The following ACYP2 variants were observed in gnomAD, a reference collection of about 807,000 sequenced individuals.
ACYP2 encodes acylphosphatase 2.
In ACYP2, 12 loss-of-function variants were observed where a neutral mutation model predicts 11.2. The ratio of observed to expected loss-of-function variants is 1.08; its 90% confidence interval spans 0.69 to 1.74. The LOEUF (loss-of-function observed/expected upper bound fraction) is 1.74, where lower values mean the gene tolerates loss of function less well. ACYP2 is among the 40% of genes most tolerant of loss of function. ACYP2 has a pLI of 0.00. For missense variants in ACYP2, 134 were observed against 101.9 expected (o/e 1.31, Z -1.35); for synonymous variants, 43 against 32.2 (o/e 1.33, Z -1.13).
At chr2:54,107,969 T>G (rs1310604705) in intron 4 of ACYP2, among the ~76,000 whole-genome samples, 1 of 152,186 alleles carries the variant, frequency 6.6e-6, no homozygotes, top group Admixed American at 6.5e-5. Flanking sequence ...GAAGCTGCCA[T>G]GCTCTGGAAA....
chr2:54,017,007 G>C (rs1355301025), intron 2 of ACYP2, among the ~76,000 whole-genome samples: 1 of 149,406 alleles, frequency 6.7e-6, no homozygotes, highest in Admixed American at 6.6e-5. Context: ...TTACAGGCGT[G>C]AGCCTCCGCG....
chr2:54,204,686 G>A (rs1349416194), intron 6 of ACYP2, among the ~76,000 whole-genome samples: 1 of 152,138 alleles, frequency 6.6e-6, no homozygotes, highest in African/African-American at 2.4e-5. Context: ...CTGGCATTCG[G>A]TGAGCTCCTT....
intron 6 of ACYP2, among the ~76,000 whole-genome samples, chr2:54,271,952 G>T (rs181398121): frequency 2.6e-5 from 4 of 152,162 alleles, no homozygotes; most frequent in East Asian, 3.9e-4. Flanking sequence ...GTATCATTCT[G>T]TTGTCACGAA....
At chr2:54,250,729 A>AT (rs1687185463) in intron 6 of ACYP2, among the ~76,000 whole-genome samples, 1 of 152,220 alleles carries the variant, frequency 6.6e-6, no homozygotes, top group African/African-American at 2.4e-5. Flanking sequence ...CAAATGGTAA[A>AT]TTATTATCAC....
intron 6 of ACYP2, among the ~76,000 whole-genome samples, chr2:54,165,184 A>G (rs568821717): frequency 6.6e-6 from 1 of 152,272 alleles, no homozygotes; most frequent in South Asian, 2.1e-4. Context: ...CTAACTAACC[A>G]TCTTGGAGAC....
intron 2 of ACYP2, among the ~76,000 whole-genome samples, chr2:54,038,123 A>G (rs1675009108): frequency 6.6e-6 from 1 of 152,228 alleles, no homozygotes; most frequent in Non-Finnish European, 1.5e-5. Flanking sequence ...ACAACTCTGG[A>G]TCAACACTTC....
chr2:54,126,618 C>T (rs1553376306), intron 4 of ACYP2, among the ~76,000 whole-genome samples: 1 of 102,832 alleles, frequency 9.7e-6, no homozygotes, highest in South Asian at 3.2e-4. Context: ...AAAAAAAAAG[C>T]ATAAAACAAA....
chr2:54,095,451 G>A (rs1439441996), intron 4 of ACYP2, among the ~76,000 whole-genome samples: 1 of 151,936 alleles, frequency 6.6e-6, no homozygotes, highest in East Asian at 1.9e-4. Flanking sequence ...TCACTTCCCA[G>A]TAGGGGCGGC....
chr2:54,138,754 T>C lies in ACYP2; in HGVS notation c.404+6T>C, dbSNP rs1470124639. ...GAAGACAAAGTCAATTCCATGTGAG[T>C]AGTAAAATTAATAACATGTACATGA... is the stretch of plus-strand genomic sequence containing the variant. On this transcript the variant is annotated splice_donor_region_variant and intron_variant, in intron 6 of 6. Coordinates refer to ENST00000607452, the MANE Select transcript of ACYP2 (RefSeq NM_001320586.2). 6.2e-7 allele frequency: 1 copy of C among 1,605,046 alleles called. No homozygotes were observed.
chr2:53,987,028 A>G (rs1377734564), intron 2 of ACYP2, among the ~76,000 whole-genome samples: 4 of 152,226 alleles, frequency 2.6e-5, no homozygotes, highest in Admixed American at 2.6e-4. Context: ...ATGCACAAAT[A>G]CATGCAACAA....
chr2:54,267,350 C>A, intron 6 of ACYP2: 1 of 1,548,038 alleles, frequency 6.5e-7, no homozygotes, highest in Non-Finnish European at 8.7e-7. Flanking sequence ...AGGGCAACAG[C>A]TAGAGGAGAA....
chr2:53,978,715 A>G (rs1478824800), intron 2 of ACYP2, among the ~76,000 whole-genome samples: 1 of 152,238 alleles, frequency 6.6e-6, no homozygotes, highest in Admixed American at 6.5e-5. Flanking sequence ...ACAAAACTCA[A>G]ATATTCAAAA....
intron 4 of ACYP2, 149 bp downstream of exon 1, chr2:54,115,905 G>GGT (rs1447852707): frequency 2.9e-6 from 3 of 1,049,240 alleles, no homozygotes; most frequent in African/African-American, 4.7e-5. Flanking sequence ...GGCGGGGAGG[G>GGT]AGGCGAAACG....
At chr2:54,037,445 C>T (rs1189044027) in intron 2 of ACYP2, among the ~76,000 whole-genome samples, 1 of 152,114 alleles carries the variant, frequency 6.6e-6, no homozygotes, top group South Asian at 2.1e-4. Context: ...GAGTCTTGCT[C>T]TGTCACCCAG....
intron 6 of ACYP2, among the ~76,000 whole-genome samples, chr2:54,228,841 G>C (rs1366729618): frequency 6.6e-6 from 1 of 152,084 alleles, no homozygotes; most frequent in Admixed American, 6.5e-5. Flanking sequence ...AGACTTCACA[G>C]TAAGGAACCC....
At position 54,212,138 on chromosome 2, in the gene ACYP2, A is replaced by AT. The variant is rs879280526; in HGVS notation, c.404+73398dup. Among the ~76,000 whole-genome samples the AT allele has an allele frequency of 2.6e-5, 4 of 152,078 alleles. No individual in the cohort carries two copies. The East Asian group carries it at 5.8e-4, about 22-fold the overall frequency. ...GTTTTTTAGCAGAGGCAAATTTTGG[A>AT]TTTTTTTTAAAAATCTGAAGCTGGA... On this transcript the variant is annotated intron_variant, in intron 6 of 6. Transcript: ENST00000607452.
chr2:54,023,707 T>G (rs1399274146), intron 2 of ACYP2, among the ~76,000 whole-genome samples: 4 of 152,150 alleles, frequency 2.6e-5, no homozygotes, highest in Non-Finnish European at 5.9e-5. Context: ...AACTTAAAGT[T>G]TTTTTCCTGG....
chr2:54,266,553 AAGATAGATAGAT>A (rs146123390), intron 6 of ACYP2, among the ~76,000 whole-genome samples: 1 of 134,824 alleles, frequency 7.4e-6, no homozygotes, highest in African/African-American at 2.8e-5. Flanking sequence ...TAGCTAGATA[AAGATAGATAGAT>A]AGATAGATAT....
At chr2:54,241,983 C>T (rs1686749256) in intron 6 of ACYP2, among the ~76,000 whole-genome samples, 1 of 152,096 alleles carries the variant, frequency 6.6e-6, no homozygotes, top group South Asian at 2.1e-4. Flanking sequence ...CATTGCACTC[C>T]AGCCTAGGTG....
Sources: gnomAD v4.1 joint callset for allele counts (sites outside exome capture counted in the v4.1 genomes callset) on GRCh38, gnomAD v4.1.1 for gene constraint, MANE v1.5 for transcripts, NCBI Gene and HGNC (gene_info 2026-07-23, HGNC 2026-07-21) for gene names.